Variants in ACTR3C observed in about 807,000 individuals in gnomAD.
ACTR3C encodes the protein actin-related protein 3C.
Under a neutral mutation model 26.3 loss-of-function variants are expected in ACTR3C, and 18 were observed. The ratio of observed to expected loss-of-function variants is 0.68; its 90% CI spans 0.47 to 1.01. ACTR3C has a LOEUF of 1.01. Ranked by LOEUF, ACTR3C falls within the 50% of genes least tolerant of loss-of-function variation. The pLI, the probability that ACTR3C is intolerant of heterozygous loss-of-function variation, is 0.00. For missense variants in ACTR3C, 184 were observed against 250.7 expected (o/e 0.73, Z 1.80); for synonymous variants, 55 against 94.5 (o/e 0.58, Z 2.42).
the ACTR3C span, among the ~76,000 whole-genome samples, chr7:149,935,720 A>G: frequency 6.8e-6 from 1 of 147,424 alleles, no homozygotes; most frequent in African/African-American, 2.5e-5. Context: ...GTTACCCTAA[A>G]CATAACACCA....
the ACTR3C span, chr7:150,005,250 G>A: frequency 6.6e-6 from 1 of 152,148 alleles, no homozygotes; most frequent in African/African-American, 2.4e-5. Context: ...GTAGGCAGAT[G>A]GTCCAGTCTG....
chr7:149,918,755 G>T, the ACTR3C span, among the ~76,000 whole-genome samples: 1 of 152,154 alleles, frequency 6.6e-6, no homozygotes, highest in South Asian at 2.1e-4. Context: ...GAAAAGAAAA[G>T]GTGACAACAG....
chr7:150,314,024 G>A (rs977817545), intron 1 of ACTR3C, among the ~76,000 whole-genome samples: 5 of 152,218 alleles, frequency 3.3e-5, no homozygotes, highest in East Asian at 1.9e-4. Context: ...GCACAGTACT[G>A]GACCCATATG....
the ACTR3C span, among the ~76,000 whole-genome samples, chr7:150,036,115 G>C: frequency 3.7e-5 from 5 of 135,418 alleles, 1 homozygote; most frequent in South Asian, 2.2e-4. Flanking sequence ...AAGAGCCAGG[G>C]GGGGAAGAGG....
chr7:149,896,551 C>T, the ACTR3C span, among the ~76,000 whole-genome samples: 1 of 151,962 alleles, frequency 6.6e-6, no homozygotes, highest in African/African-American at 2.4e-5. Flanking sequence ...CAGATACAAC[C>T]ATTCCAGAGA....
the ACTR3C span, among the ~76,000 whole-genome samples, chr7:150,212,152 T>G: frequency 6.8e-6 from 1 of 146,720 alleles, no homozygotes; most frequent in Non-Finnish European, 1.5e-5. Context: ...ACTAAATCCA[T>G]ATTGCTGAGA....
At chr7:149,917,564 G>A in the ACTR3C span, among the ~76,000 whole-genome samples, 7 of 150,598 alleles carry the variant, frequency 4.6e-5, no homozygotes, top group East Asian at 1.4e-3. Flanking sequence ...TAAGCAGAAG[G>A]TAATGAACCT....
chr7:149,953,329 G>T, the ACTR3C span, among the ~76,000 whole-genome samples: 2 of 149,454 alleles, frequency 1.3e-5, no homozygotes, highest in Admixed American at 1.3e-4. Context: ...ATTCTGTTTG[G>T]GTGATTAGAG....
chr7:149,982,470 T>C, the ACTR3C span, among the ~76,000 whole-genome samples: 5 of 152,154 alleles, frequency 3.3e-5, no homozygotes, highest in Non-Finnish European at 5.9e-5. Flanking sequence ...CAGGATCTCA[T>C]TTAGCCTTCA....
the ACTR3C span, among the ~76,000 whole-genome samples, chr7:150,229,771 C>T: frequency 6.6e-6 from 1 of 150,742 alleles, no homozygotes; most frequent in African/African-American, 2.5e-5. Context: ...GCTGGGATAA[C>T]AGGCGTGAGC....
the ACTR3C span, among the ~76,000 whole-genome samples, chr7:150,152,583 T>C: frequency 6.6e-6 from 1 of 152,238 alleles, no homozygotes; most frequent in African/African-American, 2.4e-5. Context: ...TCATCAAGGA[T>C]ATTGGTCTAA....
the ACTR3C span, among the ~76,000 whole-genome samples, chr7:149,904,923 G>A: frequency 6.6e-6 from 1 of 151,978 alleles, no homozygotes; most frequent in Non-Finnish European, 1.5e-5. Context: ...CTACTCGGGA[G>A]GCTGAGGCAG....
chr7:150,046,354 C>CCCCCA, the ACTR3C span, among the ~76,000 whole-genome samples: 1 of 71,748 alleles, frequency 1.4e-5, no homozygotes, highest in African/African-American at 4.1e-5. Context: ...ACCGCCCCCC[C>CCCCCA]CCCCCCGACC....
rs1835526556 is a variant in ACTR3C, at chr7:150,283,705, T to C, written c.564+1048A>G. 4.6e-5 allele frequency among the ~76,000 whole-genome samples: 7 copies of C among 152,202 alleles called. No individual in the cohort carries two copies. The South Asian group carries it at 1.2e-3, about 27-fold the overall frequency. ...TTATATTGATTTACCTCATTCTTTT[T>C]AAAAGCTACATAGTATTCCACGGCA... On this transcript the variant is annotated intron_variant, in intron 6 of 7. Transcript: ENST00000683684.
chr7:150,235,719 C>T, the ACTR3C span, among the ~76,000 whole-genome samples: 1 of 152,066 alleles, frequency 6.6e-6, no homozygotes, highest in South Asian at 2.1e-4. Flanking sequence ...TAAACAATTT[C>T]ATTAGGAATG....
At chr7:149,891,261 A>G in the ACTR3C span, 2 of 1,303,102 alleles carry the variant, frequency 1.5e-6, no homozygotes, top group East Asian at 2.4e-5. Context: ...GAACCTTTCC[A>G]TAAGATCCCA....
the ACTR3C span, among the ~76,000 whole-genome samples, chr7:149,927,198 G>T: frequency 6.6e-6 from 1 of 151,844 alleles, no homozygotes; most frequent in African/African-American, 2.4e-5. Context: ...TCTCAAGGTA[G>T]GAACAAAAAT....
the ACTR3C span, among the ~76,000 whole-genome samples, chr7:150,149,960 A>T: frequency 6.6e-6 from 1 of 152,250 alleles, no homozygotes; most frequent in Non-Finnish European, 1.5e-5. Flanking sequence ...AACAAGCCAC[A>T]TGCCCACAGA....
chr7:150,085,932 A>G, the ACTR3C span, among the ~76,000 whole-genome samples: 1 of 152,176 alleles, frequency 6.6e-6, no homozygotes, highest in African/African-American at 2.4e-5. Context: ...GGAAACAAAA[A>G]ATACAAGCAG....
Sources: allele counts gnomAD v4.1 joint callset (sites outside exome capture counted in the v4.1 genomes callset), GRCh38; gene constraint gnomAD v4.1.1; transcripts MANE v1.5; gene names NCBI Gene and HGNC (gene_info 2026-07-23, HGNC 2026-07-21).